The following RALGPS1 variants were observed in gnomAD, a reference collection of about 807,000 sequenced individuals.
The protein encoded by RALGPS1 is ras-specific guanine nucleotide-releasing factor RalGPS1.
Under a neutral mutation model 78.8 loss-of-function variants are expected in RALGPS1, and 19 were observed. That is an observed-to-expected ratio of 0.24 (90% confidence interval 0.17 to 0.35). The LOEUF is 0.35. Among genes scored for constraint, RALGPS1 ranks in the 10% least tolerant of loss-of-function variants. The pLI is 1.00. For missense variants in RALGPS1, 454 were observed against 688.3 expected (o/e 0.66, Z 3.81); for synonymous variants, 228 against 256.3 (o/e 0.89, Z 1.06).
At chr9:126,982,849 T>TTCCTCC (rs200547683) in intron 4 of RALGPS1, among the ~76,000 whole-genome samples, 2 of 145,370 alleles carry the variant, frequency 1.4e-5, no homozygotes, top group Non-Finnish European at 3.0e-5. Flanking sequence ...TCCTTCTTTC[T>TTCCTCC]TCCTCCTCCT....
intron 8 of RALGPS1, among the ~76,000 whole-genome samples, chr9:127,165,374 A>C (rs993237553): frequency 2.6e-5 from 4 of 152,264 alleles, no homozygotes; most frequent in South Asian, 4.1e-4. Context: ...TTTGTCCTCA[A>C]ATCCCCCCGG....
At chr9:126,929,329 CTATTAA>C (rs2035588215) in intron 1 of RALGPS1, among the ~76,000 whole-genome samples, 1 of 152,122 alleles carries the variant, frequency 6.6e-6, no homozygotes, top group African/African-American at 2.4e-5. Flanking sequence ...AAGGAAGGAA[CTATTAA>C]GTATGATCAA....
intron 8 of RALGPS1, 192 bp downstream of exon 8, chr9:127,069,548 T>A: frequency 1.8e-6 from 1 of 571,000 alleles, no homozygotes; most frequent in Non-Finnish European, 3.0e-6. Flanking sequence ...TAGGGTGATA[T>A]ACAAGTGATG....
chr9:127,168,188 G>T (rs2059386446), intron 9 of RALGPS1, among the ~76,000 whole-genome samples: 1 of 152,202 alleles, frequency 6.6e-6, no homozygotes, highest in Admixed American at 6.5e-5. Context: ...CCAGTCATAG[G>T]CCAGCTTCTG....
chr9:126,970,372 A>G (rs1267784547), intron 3 of RALGPS1, among the ~76,000 whole-genome samples: 7 of 152,212 alleles, frequency 4.6e-5, no homozygotes, highest in Non-Finnish European at 8.8e-5. Context: ...AAAGTTGTCA[A>G]TAGGTATTTG....
intron 7 of RALGPS1, 113 bp from the exon 8 acceptor site, chr9:127,069,117 G>A (rs2049961881): frequency 1.3e-5 from 14 of 1,055,248 alleles, no homozygotes; most frequent in South Asian, 4.9e-5. Context: ...TCCAGGATTC[G>A]GCACACCATA....
chr9:127,074,248 G>A (rs915608490), intron 8 of RALGPS1, among the ~76,000 whole-genome samples: 15 of 152,176 alleles, frequency 9.9e-5, no homozygotes, highest in African/African-American at 3.1e-4. Context: ...TAGTTGGACC[G>A]TGCATGAGAA....
At chr9:127,095,526 G>A (rs1428716173) in intron 8 of RALGPS1, among the ~76,000 whole-genome samples, 1 of 152,264 alleles carries the variant, frequency 6.6e-6, no homozygotes, top group African/African-American at 2.4e-5. Flanking sequence ...TTGAGTCCCA[G>A]CCTCTGCAGA....
At chr9:127,067,151 A>G (rs2049786498) in intron 7 of RALGPS1, among the ~76,000 whole-genome samples, 1 of 152,140 alleles carries the variant, frequency 6.6e-6, no homozygotes, top group African/African-American at 2.4e-5. Context: ...TAGATGAGTT[A>G]TATATTACAG....
chr9:127,070,411 A>ACAAGTAAT (rs2050096795), intron 8 of RALGPS1, among the ~76,000 whole-genome samples: 1 of 152,124 alleles, frequency 6.6e-6, no homozygotes, highest in African/African-American at 2.4e-5. Context: ...TATGATTATT[A>ACAAGTAAT]CCTTGTGATA....
chr9:127,026,680 G>A (rs2045988774), intron 4 of RALGPS1, among the ~76,000 whole-genome samples: 2 of 152,018 alleles, frequency 1.3e-5, no homozygotes, highest in South Asian at 4.1e-4. Context: ...CTTCCGTTCT[G>A]TTGGCTTCAC....
chr9:127,155,077 G>A (rs921131325), intron 8 of RALGPS1, among the ~76,000 whole-genome samples: 4 of 152,160 alleles, frequency 2.6e-5, no homozygotes, highest in East Asian at 1.9e-4. Context: ...TTTAGCTTGC[G>A]GATACCACAG....
chr9:127,128,794 G>A (rs1013333650), intron 8 of RALGPS1, among the ~76,000 whole-genome samples: 6 of 152,200 alleles, frequency 3.9e-5, no homozygotes, highest in African/African-American at 9.7e-5. Context: ...CTTGTGGGAC[G>A]ATTCTAAGGT....
At chr9:127,007,282 T>C (rs1412367292) in intron 4 of RALGPS1, among the ~76,000 whole-genome samples, 2 of 152,248 alleles carry the variant, frequency 1.3e-5, no homozygotes, top group Non-Finnish European at 2.9e-5. Context: ...TTCCAGCTAG[T>C]TGATACAGGA....
At chr9:126,986,232 A>G (rs2041788252) in intron 4 of RALGPS1, among the ~76,000 whole-genome samples, 1 of 152,210 alleles carries the variant, frequency 6.6e-6, no homozygotes, top group Non-Finnish European at 1.5e-5. Flanking sequence ...TGGAAGTTAC[A>G]AATATGGAAC....
chr9:127,204,309 T>C (rs1314074696), intron 14 of RALGPS1, among the ~76,000 whole-genome samples: 1 of 152,008 alleles, frequency 6.6e-6, no homozygotes, highest in African/African-American at 2.4e-5. Context: ...TGGGTACAGG[T>C]ACACGCCACC....
intron 8 of RALGPS1, among the ~76,000 whole-genome samples, chr9:127,109,365 T>C (rs752472038): frequency 5.9e-5 from 9 of 152,240 alleles, no homozygotes; most frequent in African/African-American, 9.6e-5. Context: ...TTTGGGCAAA[T>C]ATTTGATAAA....
At chr9:126,918,496 A>AT (rs2034409376) in intron 1 of RALGPS1, among the ~76,000 whole-genome samples, 1 of 151,918 alleles carries the variant, frequency 6.6e-6, no homozygotes. Flanking sequence ...TAATTTTTAA[A>AT]TTTTTTGTAG....
At chr9:127,145,535 A>G (rs1401728210) in intron 8 of RALGPS1, among the ~76,000 whole-genome samples, 1 of 152,218 alleles carries the variant, frequency 6.6e-6, no homozygotes, top group African/African-American at 2.4e-5. Context: ...ATTCTTCCTC[A>G]TGATGCCTTC....
Sources: allele counts gnomAD v4.1 joint callset (sites outside exome capture counted in the v4.1 genomes callset), GRCh38; gene constraint gnomAD v4.1.1; transcripts MANE v1.5; gene names NCBI Gene and HGNC (gene_info 2026-07-23, HGNC 2026-07-21).